Variants in ATG10 observed in about 807,000 individuals in gnomAD.
ATG10 encodes ubiquitin-like-conjugating enzyme ATG10.
A neutral mutation model predicts 32.1 loss-of-function variants in ATG10; 30 were observed. The observed-to-expected ratio is 0.94, with a 90% confidence interval of 0.70 to 1.27. ATG10 has a LOEUF of 1.27. Ranked by LOEUF, ATG10 falls within the 50% of genes most tolerant of loss-of-function variation. ATG10 has a pLI of 0.00. For missense variants in ATG10, 233 were observed against 262.3 expected (o/e 0.89, Z 0.77); for synonymous variants, 87 against 91.5 (o/e 0.95, Z 0.28).
intron 3 of ATG10, among the ~76,000 whole-genome samples, chr5:82,105,360 G>T (rs1487466205): frequency 1.3e-5 from 2 of 151,984 alleles, no homozygotes; most frequent in African/African-American, 4.8e-5. Context: ...CTAATTTACA[G>T]CTCTGAAACC....
At chr5:82,231,852 T>G (rs1310262265) in intron 5 of ATG10, among the ~76,000 whole-genome samples, 1 of 152,190 alleles carries the variant, frequency 6.6e-6, no homozygotes, top group Non-Finnish European at 1.5e-5. Context: ...TAGCTGTAAC[T>G]GGAGTATTAG....
intron 5 of ATG10, among the ~76,000 whole-genome samples, chr5:82,187,814 C>T (rs1044883386): frequency 3.3e-5 from 5 of 151,964 alleles, no homozygotes; most frequent in Non-Finnish European, 7.4e-5. Context: ...TCTCGAACTC[C>T]TGACTTCAGG....
At chr5:82,223,855 A>G (rs1277753164) in intron 5 of ATG10, among the ~76,000 whole-genome samples, 1 of 152,184 alleles carries the variant, frequency 6.6e-6, no homozygotes, top group Non-Finnish European at 1.5e-5. Context: ...GCTTGATACT[A>G]TCTTAGAATA....
At chr5:82,007,096 C>T (rs1302512121) in intron 2 of ATG10, among the ~76,000 whole-genome samples, 1 of 152,252 alleles carries the variant, frequency 6.6e-6, no homozygotes, top group East Asian at 1.9e-4. Flanking sequence ...TCGTGATCTG[C>T]CCACCTCAGC....
At chr5:82,218,178 T>C (rs1405927265) in intron 5 of ATG10, among the ~76,000 whole-genome samples, 1 of 152,086 alleles carries the variant, frequency 6.6e-6, no homozygotes, top group Non-Finnish European at 1.5e-5. Flanking sequence ...TCACAGATTT[T>C]GGCTAGACTC....
At chr5:82,046,872 A>G (rs1446143077) in intron 2 of ATG10, among the ~76,000 whole-genome samples, 1 of 152,204 alleles carries the variant, frequency 6.6e-6, no homozygotes, top group Non-Finnish European at 1.5e-5. Flanking sequence ...AGTAATTTTC[A>G]TAAAATAGCC....
intron 3 of ATG10, among the ~76,000 whole-genome samples, chr5:82,108,331 C>G (rs1765502680): frequency 6.6e-6 from 1 of 151,790 alleles, no homozygotes; most frequent in Admixed American, 6.6e-5. Context: ...TATATATACA[C>G]ATGCATACAT....
In ATG10 at chr5:82,047,900, T is replaced by G. The variant is rs536349734; in HGVS notation, c.109-10595T>G. ...ACCTTGAATTGATTTTTGTGTAAGG[T>G]GTAAGGAAGAGATCCAGTTTCAGCT... On this transcript the variant is annotated intron_variant, in intron 2 of 7. Coordinates refer to ENST00000282185, the MANE Select transcript of ATG10 (RefSeq NM_031482.5). 2.6e-5 allele frequency among the ~76,000 whole-genome samples: 4 copies of G among 152,168 alleles called. No individual in the cohort carries two copies. In the South Asian group the frequency reaches 6.2e-4, roughly 24 times the overall value.
intron 2 of ATG10, among the ~76,000 whole-genome samples, chr5:81,996,902 G>A (rs949836333): frequency 6.6e-6 from 1 of 152,170 alleles, no homozygotes; most frequent in African/African-American, 2.4e-5. Flanking sequence ...AAAGTACTTA[G>A]CAGAGTACCT....
chr5:82,205,949 T>A (rs1745272174), intron 5 of ATG10, among the ~76,000 whole-genome samples: 1 of 152,032 alleles, frequency 6.6e-6, no homozygotes, highest in South Asian at 2.1e-4. Context: ...CTAAGTTTAA[T>A]AAGGAAGAGA....
chr5:81,985,271 T>G (rs1307912512), intron 1 of ATG10, among the ~76,000 whole-genome samples: 1 of 152,220 alleles, frequency 6.6e-6, no homozygotes, highest in Non-Finnish European at 1.5e-5. Flanking sequence ...TTTGGTATCT[T>G]TCAGTATATG....
intron 2 of ATG10, among the ~76,000 whole-genome samples, chr5:82,027,297 G>A (rs534805942): frequency 5.3e-5 from 8 of 152,074 alleles, no homozygotes; most frequent in African/African-American, 1.9e-4. Context: ...TACTCAAAAG[G>A]CTGAGGTGGG....
At chr5:82,195,847 G>A (rs1744832492) in intron 5 of ATG10, among the ~76,000 whole-genome samples, 1 of 152,116 alleles carries the variant, frequency 6.6e-6, no homozygotes, top group Non-Finnish European at 1.5e-5. Context: ...ATGAAGATTT[G>A]TGTACAAGTT....
At chr5:82,004,098 A>G (rs1561249846) in intron 2 of ATG10, among the ~76,000 whole-genome samples, 1 of 148,782 alleles carries the variant, frequency 6.7e-6, no homozygotes, top group Non-Finnish European at 1.5e-5. Flanking sequence ...GTGCTACTGC[A>G]TTCCAGCCTG....
chr5:82,139,571 G>A (rs1476851921), intron 3 of ATG10, among the ~76,000 whole-genome samples: 1 of 141,924 alleles, frequency 7.0e-6, no homozygotes, highest in African/African-American at 2.7e-5. Context: ...CTGCCCGGCC[G>A]CCCCGTCTGA....
At chr5:81,993,428 C>CTTCT (rs751921469) in intron 2 of ATG10, among the ~76,000 whole-genome samples, 2 of 102,764 alleles carry the variant, frequency 1.9e-5, no homozygotes, top group African/African-American at 7.5e-5. Context: ...CTTTTCTTTC[C>CTTCT]TTCTTTCTTT....
At chr5:82,101,236 G>A (rs1420934792) in intron 3 of ATG10, among the ~76,000 whole-genome samples, 3 of 152,014 alleles carry the variant, frequency 2.0e-5, no homozygotes, top group South Asian at 2.1e-4. Context: ...TGAGTACTCC[G>A]ACTCTGATAT....
intron 2 of ATG10, among the ~76,000 whole-genome samples, chr5:82,005,865 A>T (rs1761975025): frequency 6.6e-6 from 1 of 152,144 alleles, no homozygotes; most frequent in Non-Finnish European, 1.5e-5. Context: ...ATACTAGATC[A>T]TTTTGTGTGT....
At position 82,171,330 on chromosome 5, in the gene ATG10, C is replaced by T. The variant is rs890290139; in HGVS notation, c.355+6793C>T. On this transcript the variant is annotated intron_variant, in intron 4 of 7. Coordinates refer to ENST00000282185, the MANE Select transcript of ATG10 (RefSeq NM_031482.5). ...ATAAACTTTCTCATGTAATTAAAAA[C>T]CATGTTAACATCTATTTTTTCTATT... Among the ~76,000 whole-genome samples, 37 of 152,126 alleles carry T rather than the reference C, an allele frequency of 2.4e-4. 1 individual carries two copies. Among genetic ancestry groups the T allele is most frequent in the Admixed American group, 2.2e-3 (33 of 15,272 alleles).
Sources: gnomAD v4.1 joint callset for allele counts (sites outside exome capture counted in the v4.1 genomes callset) on GRCh38, gnomAD v4.1.1 for gene constraint, MANE v1.5 for transcripts, NCBI Gene and HGNC (gene_info 2026-07-23, HGNC 2026-07-21) for gene names.